C1orf21: variants seen among roughly 807,000 people sequenced by gnomAD.
C1orf21 encodes chromosome 1 open reading frame 21, also known as uncharacterized protein C1orf21.
Under a neutral mutation model 18.7 loss-of-function variants are expected in C1orf21, and 3 were observed. The ratio of observed to expected loss-of-function variants is 0.16; its 90% CI spans 0.07 to 0.42. The LOEUF is 0.42. Ranked by LOEUF, C1orf21 falls within the 10% of genes least tolerant of loss-of-function variation. C1orf21 has a pLI of 0.99. For synonymous variants in C1orf21, 41 were observed against 46.4 expected (o/e 0.88, Z 0.47); for missense variants, 104 against 143.6 (o/e 0.72, Z 1.41).
chr1:184,588,450 T>G (rs758684952), intron 3 of C1orf21, among the ~76,000 whole-genome samples: 1 of 152,156 alleles, frequency 6.6e-6, no homozygotes, highest in African/African-American at 2.4e-5. Flanking sequence ...CTAAAAAGTT[T>G]GAGAAATGCT....
intron 5 of C1orf21, 120 bp downstream of exon 5, chr1:184,598,581 G>A (rs966019516): frequency 1.2e-5 from 12 of 1,005,582 alleles, no homozygotes; most frequent in Admixed American, 5.6e-5. Context: ...GGTTTGGGTG[G>A]AGAGTTAAAT....
At chr1:184,519,804 G>A (rs1373291499) in intron 3 of C1orf21, among the ~76,000 whole-genome samples, 4 of 152,090 alleles carry the variant, frequency 2.6e-5, no homozygotes, top group African/African-American at 4.8e-5. Context: ...CAGGAGTCTC[G>A]GCTCCGGTAA....
intron 3 of C1orf21, among the ~76,000 whole-genome samples, chr1:184,578,858 G>C (rs1238381929): frequency 6.6e-6 from 1 of 151,820 alleles, no homozygotes; most frequent in Non-Finnish European, 1.5e-5. Context: ...TGTATAAAGG[G>C]AATTAAAAAA....
chr1:184,461,295 G>A (rs1657304601), intron 1 of C1orf21, among the ~76,000 whole-genome samples: 1 of 152,190 alleles, frequency 6.6e-6, no homozygotes, highest in African/African-American at 2.4e-5. Flanking sequence ...TTGAGTTGGA[G>A]GGAGAAGAAC....
intron 4 of C1orf21, chr1:184,592,265 T>G (rs1198484453): frequency 6.6e-6 from 1 of 152,132 alleles, no homozygotes; most frequent in Non-Finnish European, 1.5e-5. Context: ...AGAAAAAAAT[T>G]AACTTGAAGA....
chr1:184,590,641 C>A, intron 3 of C1orf21, 98 bp from the exon 4 acceptor site: 2 of 1,223,532 alleles, frequency 1.6e-6, no homozygotes, highest in African/African-American at 1.5e-5. Context: ...AGTATAGGGC[C>A]CCAAACAGAT....
At chr1:184,587,527 TGTGTGTGTGTGTG>T (rs1659374736) in intron 3 of C1orf21, among the ~76,000 whole-genome samples, 1 of 11,168 alleles carries the variant, frequency 9.0e-5, no homozygotes, top group Non-Finnish European at 1.4e-4. Flanking sequence ...CTAGGAATTG[TGTGTGTGTGTGTG>T]TGTGTGTGTG....
chr1:184,512,523 T>A (rs1009944271), intron 3 of C1orf21, among the ~76,000 whole-genome samples: 8 of 152,222 alleles, frequency 5.3e-5, no homozygotes, highest in African/African-American at 1.9e-4. Context: ...AATATGAAGA[T>A]GTTCATTATC....
chr1:184,520,174 C>G (rs1658287355), intron 3 of C1orf21, among the ~76,000 whole-genome samples: 1 of 152,148 alleles, frequency 6.6e-6, no homozygotes, highest in Admixed American at 6.5e-5. Context: ...TTGATAATGA[C>G]AACAATATTT....
rs369125601 is a variant in C1orf21 at position 184,590,703 on chromosome 1, T to C, written c.190-36T>C. On this transcript the variant is annotated intron_variant, in intron 3 of 5. Transcript: ENST00000235307. ...ACACTTGTTTAATTGTGGATTCTAA[T>C]CCTGTCTTTCACATGTCTGTGTTTA... The C allele has an allele frequency of 7.0e-6, 11 of 1,563,910 alleles. No homozygotes were observed. In the Admixed American group the frequency reaches 1.0e-4, roughly 14 times the overall value.
At chr1:184,493,128 A>G (rs1190223281) in intron 2 of C1orf21, among the ~76,000 whole-genome samples, 1 of 152,242 alleles carries the variant, frequency 6.6e-6, no homozygotes, top group Non-Finnish European at 1.5e-5. Context: ...CTCACAACAC[A>G]TGTTTAAACT....
At chr1:184,422,188 A>G (rs1656556505) in intron 1 of C1orf21, among the ~76,000 whole-genome samples, 2 of 152,162 alleles carry the variant, frequency 1.3e-5, no homozygotes, top group Non-Finnish European at 2.9e-5. Flanking sequence ...GGCCGTGTGG[A>G]TGTTCCCGTT....
At chr1:184,462,558 T>C (rs1326492883) in intron 1 of C1orf21, among the ~76,000 whole-genome samples, 1 of 152,188 alleles carries the variant, frequency 6.6e-6, no homozygotes, top group Admixed American at 6.5e-5. Flanking sequence ...GCTAGGTTAC[T>C]GAACCCTGAA....
intron 3 of C1orf21, among the ~76,000 whole-genome samples, chr1:184,560,795 G>A (rs2101985957): frequency 6.6e-6 from 1 of 152,278 alleles, no homozygotes; most frequent in African/African-American, 2.4e-5. Context: ...TGGCAAAGAT[G>A]CCCCTATGAA....
chr1:184,405,976 AC>A (rs1225588370), intron 1 of C1orf21, among the ~76,000 whole-genome samples: 1 of 151,598 alleles, frequency 6.6e-6, no homozygotes, highest in East Asian at 1.9e-4. Context: ...TGATACTAAA[AC>A]CCTCTTTATA....
chr1:184,396,073 T>C (rs1389492969), intron 1 of C1orf21, among the ~76,000 whole-genome samples: 1 of 152,142 alleles, frequency 6.6e-6, no homozygotes, highest in Non-Finnish European at 1.5e-5. Context: ...CGTGGAGCCA[T>C]GTGGTTATGG....
intron 3 of C1orf21, among the ~76,000 whole-genome samples, chr1:184,588,984 G>A (rs1659399510): frequency 6.6e-6 from 1 of 152,098 alleles, no homozygotes. Context: ...TCCTTACTTA[G>A]CAACCACAGA....
At chr1:184,530,796 T>G (rs1658450633) in intron 3 of C1orf21, among the ~76,000 whole-genome samples, 1 of 152,086 alleles carries the variant, frequency 6.6e-6, no homozygotes, top group Non-Finnish European at 1.5e-5. Flanking sequence ...GAAAACTGAC[T>G]TCATGATCAC....
At chr1:184,489,533 T>C (rs1657785983) in intron 2 of C1orf21, among the ~76,000 whole-genome samples, 1 of 152,144 alleles carries the variant, frequency 6.6e-6, no homozygotes, top group Non-Finnish European at 1.5e-5. Context: ...AAAATGTAAA[T>C]GAGCATGCCC....
Sources: allele counts gnomAD v4.1 joint callset (sites outside exome capture counted in the v4.1 genomes callset), GRCh38; gene constraint gnomAD v4.1.1; transcripts MANE v1.5; gene names NCBI Gene and HGNC (gene_info 2026-07-23, HGNC 2026-07-21).